PLPP3: variants seen among roughly 807,000 people sequenced by gnomAD.
The protein encoded by PLPP3 is phospholipid phosphatase 3.
Under a neutral mutation model 29.6 loss-of-function variants are expected in PLPP3, and 6 were observed. The ratio of observed to expected loss-of-function variants is 0.20; its 90% CI spans 0.11 to 0.40. The LOEUF (loss-of-function observed/expected upper bound fraction) is 0.40. Among genes scored for constraint, PLPP3 ranks in the 10% least tolerant of loss-of-function variants. The pLI is 1.00. For missense variants in PLPP3, 308 were observed against 407.7 expected (o/e 0.76, Z 2.11); for synonymous variants, 152 against 159.7 (o/e 0.95, Z 0.36).
At chr1:56,502,007 C>T (rs773653495) in intron 5 of PLPP3, among the ~76,000 whole-genome samples, 2 of 152,196 alleles carry the variant, frequency 1.3e-5, no homozygotes, top group Non-Finnish European at 2.9e-5. Flanking sequence ...ATTCACACTC[C>T]GGAAATGTCA....
At chr1:56,538,442 A>G (rs910129512) in intron 1 of PLPP3, 2 of 428,418 alleles carry the variant, frequency 4.7e-6, no homozygotes, top group Non-Finnish European at 9.3e-6. Flanking sequence ...TCTTCCAGTA[A>G]TTCACCAAAA....
At chr1:56,507,489 G>A (rs1225144488) in intron 5 of PLPP3, among the ~76,000 whole-genome samples, 2 of 151,974 alleles carry the variant, frequency 1.3e-5, no homozygotes, top group African/African-American at 4.8e-5. Context: ...TGCTATTAAG[G>A]CACCCACAAT....
intron 5 of PLPP3, among the ~76,000 whole-genome samples, chr1:56,510,461 C>T (rs966703730): frequency 2.0e-5 from 3 of 152,260 alleles, no homozygotes; most frequent in Non-Finnish European, 2.9e-5. Context: ...GCAGTTCACA[C>T]ACTGCTTTCT....
At chr1:56,557,037 AGAGAGAGAGAGAG>A (rs1646086840) in intron 1 of PLPP3, among the ~76,000 whole-genome samples, 4 of 54,766 alleles carry the variant, frequency 7.3e-5, no homozygotes, top group Admixed American at 2.1e-4. Flanking sequence ...AGAGAGAGAG[AGAGAGAGAGAGAG>A]AGAGAGAGAA....
intron 1 of PLPP3, among the ~76,000 whole-genome samples, chr1:56,544,099 T>C (rs1199096186): frequency 6.6e-6 from 1 of 152,232 alleles, no homozygotes; most frequent in Non-Finnish European, 1.5e-5. Context: ...CCTGTTTTAC[T>C]TTCACCATGG....
At chr1:56,565,201 T>C (rs1646153239) in intron 1 of PLPP3, among the ~76,000 whole-genome samples, 1 of 152,114 alleles carries the variant, frequency 6.6e-6, no homozygotes, top group Non-Finnish European at 1.5e-5. Context: ...TGTGGGTCAT[T>C]TGTGGGGAAG....
At chr1:56,512,380 G>A (rs140171330) in intron 4 of PLPP3, 124 of 448,452 alleles carry the variant, frequency 2.8e-4, no homozygotes, top group African/African-American at 2.1e-3. Flanking sequence ...GTGTGGCTGA[G>A]GTGGGCAGAT....
chr1:56,530,978 T>C (rs893601595), intron 2 of PLPP3, among the ~76,000 whole-genome samples: 8 of 152,198 alleles, frequency 5.3e-5, no homozygotes, highest in African/African-American at 1.9e-4. Flanking sequence ...TGCCAACTAG[T>C]GTTCTGGGTT....
chr1:56,506,526 G>A (rs1049559625), intron 5 of PLPP3, among the ~76,000 whole-genome samples: 8 of 152,160 alleles, frequency 5.3e-5, no homozygotes, highest in African/African-American at 1.4e-4. Flanking sequence ...GTGTATTTAC[G>A]AAATCCATGA....
chr1:56,536,071 G>A (rs541051171), intron 2 of PLPP3, among the ~76,000 whole-genome samples: 1 of 152,242 alleles, frequency 6.6e-6, no homozygotes, highest in Admixed American at 6.5e-5. Context: ...AGAGAGTGAC[G>A]AGCATGTGAC....
intron 1 of PLPP3, among the ~76,000 whole-genome samples, chr1:56,546,236 C>T (rs1287384555): frequency 6.6e-6 from 1 of 152,218 alleles, no homozygotes; most frequent in Non-Finnish European, 1.5e-5. Flanking sequence ...TCCCCACTAT[C>T]TCCCTGACAT....
At position 56,579,191 on chromosome 1, in the gene PLPP3, A is replaced by G; in HGVS notation, c.-175T>C. The G allele has an allele frequency of 1.4e-6, 1 of 734,064 alleles. No individual in the cohort carries two copies. Among genetic ancestry groups the G allele is most frequent in the Non-Finnish European group, 2.1e-6 (1 of 481,688 alleles). The allele number at this position is 734,064 out of a possible 1,614,324, so 45.5% of individuals were successfully genotyped here. The stretch of plus-strand genomic sequence containing the variant: ...CGGGGCTGCCTGCCTCCAACTGCAG[A>G]AGGTGGTGTTTTCTGCTCCTCCTGC... On this transcript the variant is annotated 5_prime_UTR_variant, in exon 1 of 6. Coordinates refer to ENST00000371250, the MANE Select transcript of PLPP3 (RefSeq NM_003713.5).
chr1:56,529,266 C>G (rs993075), intron 2 of PLPP3, among the ~76,000 whole-genome samples: 75,102 of 151,902 alleles, frequency 0.49, 18,752 homozygotes, highest in African/African-American at 0.55. Context: ...GGGCTTCCTC[C>G]TTCTAATTCC....
chr1:56,546,616 T>C (rs756110319), intron 1 of PLPP3, among the ~76,000 whole-genome samples: 3 of 152,236 alleles, frequency 2.0e-5, no homozygotes, highest in Admixed American at 6.5e-5. Context: ...AGGTAGTTCA[T>C]TTCTGCATTT....
chr1:56,541,286 T>C lies in PLPP3; in HGVS notation c.140-4174A>G, dbSNP rs75883100. Among the ~76,000 whole-genome samples, 475 of 152,280 alleles carry C rather than the reference T, an allele frequency of 3.1e-3. 2 individuals are homozygous for C. Among genetic ancestry groups the C allele is most frequent in the Middle Eastern group, 0.01 (3 of 294 alleles). On this transcript the variant is annotated intron_variant, in intron 1 of 5. Transcript: ENST00000371250. ...TCAATATTGTCAGTCACAAAACTGA[T>C]GGCTATTAAACAAATACAATTTTAA... is the stretch of plus-strand genomic sequence containing the variant.
Position 56,526,499 on chromosome 1 carries a change from T to C in PLPP3, c.298-1945A>G, listed in dbSNP as rs530356136. Among the ~76,000 whole-genome samples, 349 of 152,328 alleles carry C rather than the reference T, an allele frequency of 2.3e-3. 1 individual carries two copies. Among genetic ancestry groups the C allele is most frequent in the African/African-American group, 7.9e-3 (329 of 41,580 alleles). On this transcript the variant is annotated intron_variant, in intron 2 of 5. Coordinates refer to ENST00000371250, the MANE Select transcript of PLPP3 (RefSeq NM_003713.5). ...TGAACCTGTTTATACATTTACCCTA[T>C]GTAACCTCACAGGCAAACAAGTTCC...
chr1:56,527,482 A>G (rs146645301), intron 2 of PLPP3, among the ~76,000 whole-genome samples: 2 of 152,240 alleles, frequency 1.3e-5, no homozygotes, highest in African/African-American at 4.8e-5. Context: ...AAAGACCCAC[A>G]GCAGACTACA....
chr1:56,518,715 T>TTATATATATATATATA (rs145573744), intron 4 of PLPP3, among the ~76,000 whole-genome samples: 2,114 of 126,510 alleles, frequency 0.017, 90 homozygotes, highest in Non-Finnish European at 0.027. Flanking sequence ...TTTTAATCAT[T>TTATATATATATATATA]TATATATATA....
At chr1:56,522,430 T>C (rs1349514990) in intron 4 of PLPP3, among the ~76,000 whole-genome samples, 1 of 152,186 alleles carries the variant, frequency 6.6e-6, no homozygotes, top group Non-Finnish European at 1.5e-5. Context: ...ATTTTTAAAA[T>C]TGTTTCCAGC....
Sources: allele counts gnomAD v4.1 joint callset (sites outside exome capture counted in the v4.1 genomes callset), GRCh38; gene constraint gnomAD v4.1.1; transcripts MANE v1.5; gene names NCBI Gene and HGNC (gene_info 2026-07-23, HGNC 2026-07-21).